Variants in KHDRBS2 observed in about 807,000 individuals in gnomAD.
KHDRBS2 encodes KH domain-containing, RNA-binding, signal transduction-associated protein 2.
Under a neutral mutation model 44.3 loss-of-function variants are expected in KHDRBS2, and 26 were observed. The ratio of observed to expected loss-of-function variants is 0.59; its 90% CI spans 0.43 to 0.81. KHDRBS2 has a LOEUF of 0.81. Ranked by LOEUF, KHDRBS2 falls within the 40% of genes least tolerant of loss-of-function variation. The pLI, the probability that KHDRBS2 is intolerant of heterozygous loss-of-function variation, is 0.00. For missense variants in KHDRBS2, 476 were observed against 433.1 expected (o/e 1.10, Z -0.88); for synonymous variants, 194 against 151.1 (o/e 1.28, Z -2.08).
intron 6 of KHDRBS2, among the ~76,000 whole-genome samples, chr6:61,778,877 T>C (rs939744136): frequency 5.0e-4 from 76 of 152,360 alleles, no homozygotes; most frequent in African/African-American, 1.8e-3. Context: ...ATTTGATTCT[T>C]CTTGCTTCTG....
At chr6:62,236,646 G>A (rs1028335195) in intron 1 of KHDRBS2, among the ~76,000 whole-genome samples, 8 of 151,882 alleles carry the variant, frequency 5.3e-5, no homozygotes, top group South Asian at 2.1e-4. Flanking sequence ...CAGTTTCTTC[G>A]TCAATAATAT....
At chr6:62,052,716 C>T (rs1163007941) in intron 2 of KHDRBS2, among the ~76,000 whole-genome samples, 1 of 151,930 alleles carries the variant, frequency 6.6e-6, no homozygotes, top group Non-Finnish European at 1.5e-5. Context: ...AATGCAAAAC[C>T]CAGATCGCTT....
chr6:61,610,125 A>T, the KHDRBS2 span, among the ~76,000 whole-genome samples: 1 of 152,072 alleles, frequency 6.6e-6, no homozygotes. Context: ...GCAGTGAGCC[A>T]AGATCACGCC....
intron 6 of KHDRBS2, among the ~76,000 whole-genome samples, chr6:61,804,294 C>A (rs1786770465): frequency 6.6e-6 from 1 of 152,190 alleles, no homozygotes; most frequent in Non-Finnish European, 1.5e-5. Context: ...ACATCCAGAT[C>A]ACGATGATGC....
intron 1 of KHDRBS2, among the ~76,000 whole-genome samples, chr6:62,190,524 T>C (rs1824385756): frequency 6.6e-6 from 1 of 152,128 alleles, no homozygotes. Flanking sequence ...TCGTCTGCGC[T>C]AAGGACACTT....
chr6:62,121,531 C>T (rs1470690792), intron 2 of KHDRBS2, among the ~76,000 whole-genome samples: 1 of 152,234 alleles, frequency 6.6e-6, no homozygotes, highest in Non-Finnish European at 1.5e-5. Context: ...TGGTACCTAG[C>T]ATGCAGCCAC....
chr6:61,872,603 AAAG>A (rs1204424021), intron 6 of KHDRBS2, among the ~76,000 whole-genome samples: 10 of 152,192 alleles, frequency 6.6e-5, no homozygotes, highest in Non-Finnish European at 1.3e-4. Flanking sequence ...GACAGTAATT[AAAG>A]AAGAGCTAAG....
intron 2 of KHDRBS2, among the ~76,000 whole-genome samples, chr6:62,069,890 A>T (rs1396108534): frequency 6.6e-6 from 1 of 151,802 alleles, no homozygotes; most frequent in Non-Finnish European, 1.5e-5. Flanking sequence ...ATTTTATAGT[A>T]GTAAATGATA....
At chr6:62,201,456 CTG>C (rs1826972324) in intron 1 of KHDRBS2, among the ~76,000 whole-genome samples, 1 of 151,972 alleles carries the variant, frequency 6.6e-6, no homozygotes, top group Non-Finnish European at 1.5e-5. Context: ...TATTTTATGA[CTG>C]TGCATAAATG....
the KHDRBS2 span, among the ~76,000 whole-genome samples, chr6:61,666,577 G>A: frequency 1.3e-5 from 2 of 151,374 alleles, no homozygotes; most frequent in African/African-American, 4.8e-5. Flanking sequence ...AGACCCTGAA[G>A]TGTACAGCAC....
chr6:61,965,656 T>C (rs1276220722), intron 4 of KHDRBS2, among the ~76,000 whole-genome samples: 1 of 151,832 alleles, frequency 6.6e-6, no homozygotes, highest in Admixed American at 6.6e-5. Context: ...TGTACAGTTA[T>C]TTTTAATTTC....
the KHDRBS2 span, among the ~76,000 whole-genome samples, chr6:61,673,704 A>C: frequency 1.0e-4 from 14 of 139,572 alleles, no homozygotes; most frequent in African/African-American, 3.2e-4. Flanking sequence ...ATACCTAGGA[A>C]TCCAACTTAC....
At chr6:62,110,806 T>A (rs1804827019) in intron 2 of KHDRBS2, among the ~76,000 whole-genome samples, 2 of 152,208 alleles carry the variant, frequency 1.3e-5, no homozygotes, top group South Asian at 2.1e-4. Context: ...TTGGTTGTAG[T>A]AATGATTTCA....
chr6:61,672,549 G>A, the KHDRBS2 span, among the ~76,000 whole-genome samples: 1 of 152,050 alleles, frequency 6.6e-6, no homozygotes, highest in African/African-American at 2.4e-5. Flanking sequence ...TAACTGGTGT[G>A]AGATGGTATC....
At chr6:62,228,864 A>C (rs1427806233) in intron 1 of KHDRBS2, among the ~76,000 whole-genome samples, 1 of 152,118 alleles carries the variant, frequency 6.6e-6, no homozygotes, top group Non-Finnish European at 1.5e-5. Context: ...AACAGCAAAG[A>C]GGTGTGCCGC....
chr6:61,693,134 A>T (rs2127542436), intron 8 of KHDRBS2, among the ~76,000 whole-genome samples: 1 of 152,272 alleles, frequency 6.6e-6, no homozygotes, highest in Admixed American at 6.5e-5. Context: ...TAAATAGATA[A>T]TAGTTAATAT....
At chr6:61,885,273 T>C (rs2127321722) in intron 6 of KHDRBS2, among the ~76,000 whole-genome samples, 1 of 152,272 alleles carries the variant, frequency 6.6e-6, no homozygotes, top group African/African-American at 2.4e-5. Context: ...TGGATAGTTT[T>C]AAAAAGCGCA....
intron 3 of KHDRBS2, among the ~76,000 whole-genome samples, chr6:62,033,607 T>C (rs551662471): frequency 1.3e-5 from 2 of 151,536 alleles, no homozygotes; most frequent in South Asian, 2.1e-4. Context: ...TAATAGTATA[T>C]CTGGATATAT....
intron 6 of KHDRBS2, among the ~76,000 whole-genome samples, chr6:61,848,538 T>TAC (rs1794898986): frequency 5.4e-5 from 3 of 55,444 alleles, no homozygotes; most frequent in Non-Finnish European, 9.6e-5. Flanking sequence ...TATACATATA[T>TAC]ATGTATATAT....
Sources: gnomAD v4.1 joint callset for allele counts (sites outside exome capture counted in the v4.1 genomes callset) on GRCh38, gnomAD v4.1.1 for gene constraint, MANE v1.5 for transcripts, NCBI Gene and HGNC (gene_info 2026-07-23, HGNC 2026-07-21) for gene names.